Variants in RBMS3 observed in about 807,000 individuals in gnomAD.
RBMS3 encodes RNA binding motif single stranded interacting protein 3.
Under a neutral mutation model 66.8 loss-of-function variants are expected in RBMS3, and 27 were observed. The observed-to-expected ratio is 0.40, with a 90% CI of 0.30 to 0.56. The LOEUF is 0.56. Among genes scored for constraint, RBMS3 ranks in the 20% least tolerant of loss-of-function variants. The probability of loss-of-function intolerance (pLI) is 0.40; values close to 1 mark genes in which losing one functional copy is unlikely to be tolerated. For synonymous variants in RBMS3, 188 were observed against 183.0 expected, an observed-to-expected ratio of 1.03 and a Z score of -0.22; for missense variants, 513 against 549.5, an observed-to-expected ratio of 0.93 and a Z score of 0.66.
chr3:29,790,873 AT>A (rs2056987523), intron 6 of RBMS3, among the ~76,000 whole-genome samples: 1 of 152,152 alleles, frequency 6.6e-6, no homozygotes, highest in Non-Finnish European at 1.5e-5. Flanking sequence ...TACAAATTTG[AT>A]TTACATTTAC....
intron 4 of RBMS3, among the ~76,000 whole-genome samples, chr3:29,713,895 A>C (rs1234738736): frequency 2.0e-5 from 3 of 152,080 alleles, no homozygotes. Flanking sequence ...TCTCTACAAG[A>C]AATACAAAAC....
intron 1 of RBMS3, among the ~76,000 whole-genome samples, chr3:29,390,116 A>G (rs2039219652): frequency 6.6e-6 from 1 of 152,146 alleles, no homozygotes; most frequent in Non-Finnish European, 1.5e-5. Flanking sequence ...TCAAGTTTTG[A>G]TTTTTGTTTG....
At chr3:29,984,755 A>G (rs1698252672) in intron 12 of RBMS3, among the ~76,000 whole-genome samples, 1 of 152,088 alleles carries the variant, frequency 6.6e-6, no homozygotes, top group African/African-American at 2.4e-5. Context: ...CAGAACAGCA[A>G]ATATTGCTGC....
intron 3 of RBMS3, among the ~76,000 whole-genome samples, chr3:29,535,552 A>G (rs1461483785): frequency 6.6e-6 from 1 of 151,942 alleles, no homozygotes; most frequent in Non-Finnish European, 1.5e-5. Context: ...AGGATAATGG[A>G]GTTTTCTTGG....
Position 30,007,013 on chromosome 3 carries a change from T to C in RBMS3, c.*3151T>C, listed in dbSNP as rs910906543. The C allele has an allele frequency of 2.6e-5, 4 of 151,974 alleles. No individual in the cohort carries two copies. The highest frequency in any genetic ancestry group is 2.0e-4 in the Admixed American group (3 of 15,232). The allele number at this position is 151,974 out of a possible 1,614,324, so 9.4% of individuals were successfully genotyped here. Reference sequence around the variant, plus strand: ...GGATAGTTTATATCATGCCATTCTATAAAATGTATGTTTTCAAACCAAAAA... The same window carrying C: ...GGATAGTTTATATCATGCCATTCTACAAAATGTATGTTTTCAAACCAAAAA... On this transcript the variant is annotated 3_prime_UTR_variant, in exon 15 of 15. Coordinates refer to ENST00000383767, the MANE Select transcript of RBMS3 (RefSeq NM_001003793.3).
At chr3:29,587,988 A>G (rs904367944) in intron 4 of RBMS3, among the ~76,000 whole-genome samples, 1 of 152,030 alleles carries the variant, frequency 6.6e-6, no homozygotes, top group Admixed American at 6.6e-5. Context: ...ACGTAGAACT[A>G]TATATACATA....
intron 1 of RBMS3, among the ~76,000 whole-genome samples, chr3:29,379,233 A>G (rs1200671956): frequency 5.3e-5 from 8 of 152,220 alleles, no homozygotes; most frequent in Non-Finnish European, 2.9e-5. Context: ...CAGTGACTCA[A>G]TGTATTATTC....
rs5847597 is a variant in RBMS3 at position 29,809,338 on chromosome 3, GA to G, written c.637+46362del. On this transcript the variant is annotated intron_variant, in intron 6 of 14. Coordinates refer to ENST00000383767, the MANE Select transcript of RBMS3 (RefSeq NM_001003793.3). ...TCATTGACAGCACTATGATCAGTGGGAAAAAAAAAAAAAGATCCTGTTAAAA... is the reference window on the plus strand; with the variant it reads ...TCATTGACAGCACTATGATCAGTGGGAAAAAAAAAAAAGATCCTGTTAAAA... Among the ~76,000 whole-genome samples the G allele has an allele frequency of 5.3e-3, 775 of 146,338 alleles. 6 individuals are homozygous for G. Among genetic ancestry groups the G allele is most frequent in the East Asian group, 0.031 (150 of 4,860 alleles).
intron 6 of RBMS3, among the ~76,000 whole-genome samples, chr3:29,862,919 C>G (rs1224997909): frequency 6.7e-6 from 1 of 148,676 alleles, no homozygotes; most frequent in Non-Finnish European, 1.5e-5. Context: ...TGGAAGGATA[C>G]TAATAAAGAT....
chr3:29,473,785 AGCCCC>A (rs1424299784), intron 2 of RBMS3, among the ~76,000 whole-genome samples: 11 of 152,220 alleles, frequency 7.2e-5, no homozygotes, highest in African/African-American at 2.7e-4. Flanking sequence ...AGGGCCGGCC[AGCCCC>A]TCCAAGTGTG....
At chr3:29,911,996 T>G (rs1489835573) in intron 10 of RBMS3, among the ~76,000 whole-genome samples, 1 of 151,964 alleles carries the variant, frequency 6.6e-6, no homozygotes, top group African/African-American at 2.4e-5. Flanking sequence ...GATAGATAGA[T>G]AGATAGATAA....
chr3:29,884,469 T>TCTCTCTCTCTCTCTAC (rs1553692501), intron 8 of RBMS3, among the ~76,000 whole-genome samples: 7 of 66,334 alleles, frequency 1.1e-4, no homozygotes, highest in African/African-American at 3.7e-4. Flanking sequence ...TCTCTCTCTC[T>TCTCTCTCTCTCTCTAC]CCCCCCCCGC....
chr3:29,328,614 C>G (rs556710227), intron 1 of RBMS3, among the ~76,000 whole-genome samples: 5 of 152,088 alleles, frequency 3.3e-5, no homozygotes, highest in African/African-American at 9.7e-5. Flanking sequence ...CTTTTCATGG[C>G]CTAGAAAATT....
At chr3:29,340,695 C>T (rs2036232375) in intron 1 of RBMS3, among the ~76,000 whole-genome samples, 1 of 151,980 alleles carries the variant, frequency 6.6e-6, no homozygotes, top group Non-Finnish European at 1.5e-5. Context: ...CTGTAAAATC[C>T]CCTAAAACCA....
chr3:29,805,154 A>G (rs1008248874), intron 6 of RBMS3, among the ~76,000 whole-genome samples: 4 of 152,054 alleles, frequency 2.6e-5, no homozygotes, highest in Admixed American at 2.6e-4. Context: ...TCATCGTATT[A>G]TAATGGAGCT....
intron 3 of RBMS3, among the ~76,000 whole-genome samples, chr3:29,525,963 A>T (rs564828225): frequency 6.6e-6 from 1 of 152,172 alleles, no homozygotes; most frequent in Non-Finnish European, 1.5e-5. Flanking sequence ...TATCAATGAA[A>T]TTTAAGCATG....
intron 4 of RBMS3, among the ~76,000 whole-genome samples, chr3:29,652,248 G>T (rs1020680661): frequency 1.3e-5 from 2 of 151,980 alleles, no homozygotes; most frequent in African/African-American, 4.8e-5. Context: ...TCAGCTGTCT[G>T]GTTTTTATAC....
chr3:29,638,803 T>A (rs2149191254), intron 4 of RBMS3, among the ~76,000 whole-genome samples: 1 of 152,020 alleles, frequency 6.6e-6, no homozygotes, highest in Non-Finnish European at 1.5e-5. Flanking sequence ...TAGGAAAGGT[T>A]GAAAAACTGT....
intron 1 of RBMS3, among the ~76,000 whole-genome samples, chr3:29,415,250 A>G (rs1336627384): frequency 1.3e-5 from 2 of 152,200 alleles, no homozygotes. Flanking sequence ...TGGAAATTAA[A>G]TCTTTTATTG....
Sources: gnomAD v4.1 joint callset for allele counts (sites outside exome capture counted in the v4.1 genomes callset) on GRCh38, gnomAD v4.1.1 for gene constraint, MANE v1.5 for transcripts, NCBI Gene and HGNC (gene_info 2026-07-23, HGNC 2026-07-21) for gene names.